The following OPCML variants were observed in gnomAD, a reference collection of about 807,000 sequenced individuals.
The protein encoded by OPCML is opioid-binding protein/cell adhesion molecule.
Under a neutral mutation model 37.8 loss-of-function variants are expected in OPCML, and 13 were observed. The ratio of observed to expected loss-of-function variants is 0.34; its 90% confidence interval spans 0.22 to 0.55. The LOEUF (loss-of-function observed/expected upper bound fraction) is 0.55. Among genes scored for constraint, OPCML ranks in the 20% least tolerant of loss-of-function variants. The probability of loss-of-function intolerance (pLI) is 0.91; values close to 1 mark genes in which losing one functional copy is unlikely to be tolerated. For missense variants in OPCML, 341 were observed against 435.6 expected (o/e 0.78, Z 1.93); for synonymous variants, 176 against 168.8 (o/e 1.04, Z -0.33).
chr11:133,525,427 C>A (rs762352271), intron 1 of OPCML, among the ~76,000 whole-genome samples: 1 of 152,180 alleles, frequency 6.6e-6, no homozygotes, highest in Non-Finnish European at 1.5e-5. Context: ...GGAGATGAAG[C>A]TAGATGAATG....
At chr11:132,513,981 C>T (rs1359060442) in intron 4 of OPCML, among the ~76,000 whole-genome samples, 1 of 152,110 alleles carries the variant, frequency 6.6e-6, no homozygotes, top group Non-Finnish European at 1.5e-5. Flanking sequence ...AATGACTGAA[C>T]AAGTGCATGA....
chr11:132,434,805 C>G (rs2096007828), intron 7 of OPCML, among the ~76,000 whole-genome samples: 1 of 152,092 alleles, frequency 6.6e-6, no homozygotes. Context: ...CCCACTGAGA[C>G]AGTTATCTAT....
intron 1 of OPCML, 56 bp downstream of exon 1, chr11:133,532,208 C>A: frequency 6.3e-7 from 1 of 1,592,394 alleles, no homozygotes; most frequent in Non-Finnish European, 8.6e-7. Context: ...GCCTCTCCTG[C>A]TCTCACGTCG....
chr11:132,636,545 T>G (rs1421434019), intron 3 of OPCML, among the ~76,000 whole-genome samples: 1 of 152,204 alleles, frequency 6.6e-6, no homozygotes, highest in Non-Finnish European at 1.5e-5. Flanking sequence ...GAATAAGCCT[T>G]CCATATAATG....
intron 2 of OPCML, among the ~76,000 whole-genome samples, chr11:132,663,655 A>G (rs1160506021): frequency 6.6e-6 from 1 of 152,190 alleles, no homozygotes; most frequent in East Asian, 1.9e-4. Flanking sequence ...GCAAAAGCTG[A>G]ATGATATGGG....
intron 4 of OPCML, among the ~76,000 whole-genome samples, chr11:132,485,758 T>G (rs1184334838): frequency 2.0e-5 from 3 of 152,230 alleles, no homozygotes; most frequent in African/African-American, 7.2e-5. Context: ...CTGAGTAATA[T>G]TCCATGGATG....
chr11:133,016,926 T>C (rs1307202802), intron 1 of OPCML, among the ~76,000 whole-genome samples: 1 of 152,194 alleles, frequency 6.6e-6, no homozygotes, highest in Non-Finnish European at 1.5e-5. Flanking sequence ...CAACTTTAGG[T>C]CTAATAAGTC....
At chr11:132,868,492 T>C (rs1368466642) in intron 2 of OPCML, among the ~76,000 whole-genome samples, 1 of 150,746 alleles carries the variant, frequency 6.6e-6, no homozygotes, top group Non-Finnish European at 1.5e-5. Flanking sequence ...ATGGGCACTT[T>C]CTAAATAATT....
chr11:133,072,253 G>A (rs1027914380), intron 1 of OPCML, among the ~76,000 whole-genome samples: 4 of 152,150 alleles, frequency 2.6e-5, no homozygotes, highest in Admixed American at 6.5e-5. Context: ...GTTTCAAAAT[G>A]ATGAATTTTA....
At chr11:132,470,673 T>C (rs1431261655) in intron 4 of OPCML, among the ~76,000 whole-genome samples, 2 of 152,130 alleles carry the variant, frequency 1.3e-5, no homozygotes, top group African/African-American at 2.4e-5. Flanking sequence ...TGATCATAGA[T>C]ATCATTAGCA....
At chr11:132,841,979 A>AAG (rs1941312992) in intron 2 of OPCML, among the ~76,000 whole-genome samples, 1 of 152,060 alleles carries the variant, frequency 6.6e-6, no homozygotes, top group African/African-American at 2.4e-5. Context: ...TGCTATTGAA[A>AAG]AGAGAACACT....
chr11:132,501,801 G>T (rs2096246243), intron 4 of OPCML, among the ~76,000 whole-genome samples: 1 of 152,198 alleles, frequency 6.6e-6, no homozygotes, highest in Non-Finnish European at 1.5e-5. Flanking sequence ...CAAATTTCTA[G>T]CTAATTGTAG....
At position 132,690,131 on chromosome 11, in the gene OPCML, C is replaced by T. The variant is rs772377988; in HGVS notation, c.147-32812G>A. ...GTCTTTTTCTTTTCTTTTTTGGCAG[C>T]GTCTTACTATGTTGCCCAGGTTGGC... On this transcript the variant is annotated intron_variant, in intron 2 of 7. Coordinates refer to ENST00000524381, the MANE Select transcript of OPCML (RefSeq NM_001012393.5). Among the ~76,000 whole-genome samples, 11 of 152,050 alleles carry T rather than the reference C, an allele frequency of 7.2e-5. 1 individual carries two copies. The highest frequency in any genetic ancestry group is 1.4e-4 in the African/African-American group (6 of 41,402).
rs530838852 is a variant in OPCML, at chr11:133,157,860, A to G, written c.62-214850T>C. On this transcript the variant is annotated intron_variant, in intron 1 of 7. Transcript: ENST00000524381. Reference sequence around the variant, plus strand: ...ACCTCCTCTTCTGCGTTGATGCAAGAAAATGAGCAAAGAAAAAATGCACAT... The same window carrying G: ...ACCTCCTCTTCTGCGTTGATGCAAGGAAATGAGCAAAGAAAAAATGCACAT... Among the ~76,000 whole-genome samples the G allele has an allele frequency of 2.0e-5, 3 of 152,352 alleles. No individual in the cohort carries two copies. The East Asian group carries it at 5.8e-4, about 29-fold the overall frequency.
chr11:133,288,230 G>C (rs1942359767), intron 1 of OPCML, among the ~76,000 whole-genome samples: 1 of 152,170 alleles, frequency 6.6e-6, no homozygotes, highest in Non-Finnish European at 1.5e-5. Context: ...GCACTGGTCA[G>C]GCATCAAGCC....
At chr11:133,235,860 G>A (rs986758373) in intron 1 of OPCML, among the ~76,000 whole-genome samples, 1 of 152,152 alleles carries the variant, frequency 6.6e-6, no homozygotes, top group African/African-American at 2.4e-5. Flanking sequence ...ACTGCTCTTT[G>A]CCTCAACTGT....
chr11:132,480,214 T>A (rs962846782), intron 4 of OPCML, among the ~76,000 whole-genome samples: 1 of 151,966 alleles, frequency 6.6e-6, no homozygotes, highest in Non-Finnish European at 1.5e-5. Flanking sequence ...GAGAACTACA[T>A]GAAGAATGCA....
chr11:133,146,750 C>T (rs1456933987), intron 1 of OPCML, among the ~76,000 whole-genome samples: 4 of 152,186 alleles, frequency 2.6e-5, no homozygotes, highest in African/African-American at 9.7e-5. Flanking sequence ...CATGAACCAC[C>T]ACGCCGGGAC....
intron 1 of OPCML, among the ~76,000 whole-genome samples, chr11:133,458,496 GTGTGTGTGTATATACACATATATACAC>G (rs1946756698): frequency 1.1e-5 from 1 of 89,334 alleles, no homozygotes. Context: ...ATATATACAC[GTGTGTGTGTATATACACATATATACAC>G]TGTGTGTGTA....
Sources: allele counts gnomAD v4.1 joint callset (sites outside exome capture counted in the v4.1 genomes callset), GRCh38; gene constraint gnomAD v4.1.1; transcripts MANE v1.5; gene names NCBI Gene and HGNC (gene_info 2026-07-23, HGNC 2026-07-21).